UVSSA: variants seen among roughly 807,000 people sequenced by gnomAD.
The protein encoded by UVSSA is UV stimulated scaffold protein A.
A neutral mutation model predicts 73.9 loss-of-function variants in UVSSA; 72 were observed. The ratio of observed to expected loss-of-function variants is 0.97; its 90% CI spans 0.81 to 1.19. The LOEUF (loss-of-function observed/expected upper bound fraction) is 1.19, where lower values mean the gene tolerates loss of function less well. Ranked by LOEUF, UVSSA falls within the 50% of genes most tolerant of loss-of-function variation. The pLI, the probability that UVSSA is intolerant of heterozygous loss-of-function variation, is 0.00. For synonymous variants in UVSSA, 454 were observed against 391.3 expected, an observed-to-expected ratio of 1.16 and a Z score of -1.89; for missense variants, 1,150 against 965.0, an observed-to-expected ratio of 1.19 and a Z score of -2.54.
chr4:1,379,931 G>C, intron 10 of UVSSA, 116 bp from the exon 11 acceptor site: 1 of 1,266,896 alleles, frequency 7.9e-7, no homozygotes, highest in Non-Finnish European at 1.1e-6. Flanking sequence ...GCTGTCCACA[G>C]TGTTGGGGTG....
downstream of UVSSA, chr4:1,391,971 T>C (rs987022800): frequency 1.3e-5 from 2 of 152,268 alleles, no homozygotes; most frequent in African/African-American, 2.4e-5. Flanking sequence ...CATTTCTAAA[T>C]TTGTTTACTA....
chr4:1,349,246 C>T (rs1335495861), intron 2 of UVSSA, among the ~76,000 whole-genome samples: 2 of 152,202 alleles, frequency 1.3e-5, no homozygotes, highest in Non-Finnish European at 2.9e-5. Flanking sequence ...TGAACACCGA[C>T]ATTTGAAGTG....
chr4:1,392,218 G>A (rs938004384), downstream of UVSSA: 2 of 152,146 alleles, frequency 1.3e-5, no homozygotes, highest in African/African-American at 4.8e-5. Flanking sequence ...TTTCCTCTCA[G>A]CTTCTTGGTG....
intron 7 of UVSSA, 129 bp from the exon 8 acceptor site, chr4:1,366,191 C>T (rs890838985): frequency 9.7e-6 from 7 of 719,848 alleles, no homozygotes; most frequent in Non-Finnish European, 1.7e-5. Context: ...CCAACCGTGG[C>T]TGATGTTGGA....
intron 7 of UVSSA, chr4:1,359,405 A>G (rs1716291240): frequency 1.3e-5 from 2 of 152,222 alleles, no homozygotes; most frequent in Admixed American, 6.5e-5. Context: ...AGCTGATAAA[A>G]ATCCTCTGGA....
At chr4:1,360,339 AAC>A (rs1716446337) in intron 7 of UVSSA, among the ~76,000 whole-genome samples, 1 of 152,210 alleles carries the variant, frequency 6.6e-6, no homozygotes, top group South Asian at 2.1e-4. Flanking sequence ...CTGTCTGCAA[AAC>A]ACAGGGCGCT....
In UVSSA at chr4:1,349,613, A is replaced by G; in HGVS notation, c.188A>G (p.Gln63Arg). ...GCCGAGATCCGTCTCTCAGCCTTCC[A>G]GATTGTGGAGGAACTCTTCGTCAGG... Reference protein sequence around the residue: ...EHAEIRLSAFQIVEELFVRSH... With the variant: ...EHAEIRLSAFRIVEELFVRSH... The change falls in exon 3 of 14, where the codon CAG becomes CGG. Residue 63 changes from glutamine to arginine, a missense_variant. By Grantham distance (43) the Gln-to-Arg change is conservative. Transcript: ENST00000389851. The G allele has an allele frequency of 6.2e-7, 1 of 1,614,082 alleles. No homozygotes were observed. The highest frequency in any genetic ancestry group is 8.5e-7 in the Non-Finnish European group (1 of 1,180,006).
At position 1,387,814 on chromosome 4, in the gene UVSSA, G is replaced by A. The variant is rs1720253904; in HGVS notation, c.*1853G>A. On this transcript the variant is annotated 3_prime_UTR_variant, in exon 14 of 14. Coordinates refer to ENST00000389851, the MANE Select transcript of UVSSA (RefSeq NM_020894.4). ...CATTGACCTGTTTAACCTTATGCCAGTGCCACAGTGCCTTGATCAGTGCTG... is the reference window on the plus strand; with the variant it reads ...CATTGACCTGTTTAACCTTATGCCAATGCCACAGTGCCTTGATCAGTGCTG... The A allele has an allele frequency of 6.6e-6, 1 of 152,130 alleles. No individual in the cohort carries two copies. Among genetic ancestry groups the A allele is most frequent in the Non-Finnish European group, 1.5e-5 (1 of 68,030 alleles). 9.4% of individuals were successfully genotyped at this position (152,130 alleles called of 1,614,324 possible).
exon 14 of UVSSA, chr4:1,394,898 ACGTGCC>A: frequency 6.8e-7 from 1 of 1,477,048 alleles, no homozygotes; most frequent in South Asian, 1.3e-5. Flanking sequence ...GCCTGCTCAC[ACGTGCC>A]CATGCGGAGT....
chr4:1,395,337 T>G (rs146490783), exon 14 of UVSSA: 12 of 1,402,318 alleles, frequency 8.6e-6, no homozygotes, highest in African/African-American at 1.9e-5. Flanking sequence ...CACGTGCCGA[T>G]GTGGGGTGCC....
chr4:1,366,456 G>C, intron 8 of UVSSA, 25 bp downstream of exon 8: 1 of 1,570,374 alleles, frequency 6.4e-7, no homozygotes. Context: ...CCGTGGGGGG[G>C]GCACCTGGGT....
downstream of UVSSA, chr4:1,390,567 A>T (rs1018543170): frequency 6.6e-6 from 1 of 152,230 alleles, no homozygotes; most frequent in Admixed American, 6.5e-5. Flanking sequence ...TACAAGCATG[A>T]GCTACCATAC....
intron 8 of UVSSA, among the ~76,000 whole-genome samples, chr4:1,368,594 G>A (rs1363101869): frequency 6.6e-6 from 1 of 152,234 alleles, no homozygotes; most frequent in African/African-American, 2.4e-5. Context: ...GAGCGGCCTC[G>A]CAGCCCCTGC....
At chr4:1,365,519 C>T (rs1717191428) in intron 7 of UVSSA, among the ~76,000 whole-genome samples, 1 of 152,224 alleles carries the variant, frequency 6.6e-6, no homozygotes, top group African/African-American at 2.4e-5. Context: ...TCTCCAGCTC[C>T]TCAATGGGAG....
intron 3 of UVSSA, among the ~76,000 whole-genome samples, chr4:1,350,568 A>G (rs1298327719): frequency 1.3e-5 from 2 of 152,164 alleles, no homozygotes; most frequent in African/African-American, 4.8e-5. Context: ...CACCTCTTTT[A>G]AGTTAGCAGA....
chr4:1,347,897 T>A (rs1560413461), intron 1 of UVSSA, 137 bp downstream of exon 1: 1 of 587,182 alleles, frequency 1.7e-6, no homozygotes, highest in Non-Finnish European at 3.0e-6. Context: ...GGTTCACTTT[T>A]AAAACTGCAA....
At chr4:1,395,976 A>G (rs1720542972) in exon 14 of UVSSA, 2 of 1,465,886 alleles carry the variant, frequency 1.4e-6, no homozygotes, top group South Asian at 1.4e-5. Flanking sequence ...GCTGATTAAA[A>G]GACAAACCTG....
At position 1,375,917 on chromosome 4, in the gene UVSSA, A is replaced by G. The variant is rs370941315; in HGVS notation, c.1434-117A>G. The stretch of plus-strand genomic sequence containing the variant: ...GCCCAGGCGTCGTGTGGCAGAAGCC[A>G]TTGCTCACCTGATCCGACCCGAGGC... On this transcript the variant is annotated intron_variant, in intron 9 of 13. Transcript: ENST00000389851. The G allele has an allele frequency of 9.3e-5, 136 of 1,460,700 alleles. No homozygotes were observed. The East Asian group carries it at 2.2e-3, about 23-fold the overall frequency. The allele number at this position is 1,460,700 out of a possible 1,614,324, so 90.5% of individuals were successfully genotyped here.
chr4:1,390,950 T>G (rs570472691), downstream of UVSSA: 1 of 152,544 alleles, frequency 6.6e-6, no homozygotes. Flanking sequence ...AGATGCCTGT[T>G]GGGTCTGATT....
Sources: gnomAD v4.1 joint callset for allele counts (sites outside exome capture counted in the v4.1 genomes callset) on GRCh38, gnomAD v4.1.1 for gene constraint, MANE v1.5 for transcripts, NCBI Gene and HGNC (gene_info 2026-07-23, HGNC 2026-07-21) for gene names.